MACROD2: variants seen among roughly 807,000 people sequenced by gnomAD.
The protein encoded by MACROD2 is mono-ADP ribosylhydrolase 2, also known as ADP-ribose glycohydrolase MACROD2.
Under a neutral mutation model 70.4 loss-of-function variants are expected in MACROD2, and 36 were observed. The ratio of observed to expected loss-of-function variants is 0.51; its 90% CI spans 0.39 to 0.68. The LOEUF (loss-of-function observed/expected upper bound fraction) is 0.68, where lower values mean the gene tolerates loss of function less well. Ranked by LOEUF, MACROD2 falls within the 30% of genes least tolerant of loss-of-function variation. MACROD2 has a pLI of 0.00. For synonymous variants in MACROD2, 172 were observed against 178.8 expected (o/e 0.96, Z 0.30); for missense variants, 496 against 538.4 (o/e 0.92, Z 0.78).
chr20:15,892,597 G>A (rs1230700038), intron 10 of MACROD2, among the ~76,000 whole-genome samples: 3 of 152,160 alleles, frequency 2.0e-5, no homozygotes, highest in Admixed American at 1.3e-4. Context: ...GATTGAAATC[G>A]AACACTCTTG....
At chr20:14,405,415 G>A (rs1209076753) in intron 3 of MACROD2, among the ~76,000 whole-genome samples, 2 of 152,166 alleles carry the variant, frequency 1.3e-5, no homozygotes, top group Non-Finnish European at 2.9e-5. Flanking sequence ...CAAAATATGT[G>A]TGTTGGTTAG....
At chr20:15,746,750 A>G (rs2051190175) in intron 8 of MACROD2, among the ~76,000 whole-genome samples, 1 of 152,010 alleles carries the variant, frequency 6.6e-6, no homozygotes, top group Non-Finnish European at 1.5e-5. Flanking sequence ...TTCTGGATCT[A>G]TTGAGGTTGT....
At chr20:15,089,266 T>C (rs1385256147) in intron 5 of MACROD2, among the ~76,000 whole-genome samples, 1 of 152,178 alleles carries the variant, frequency 6.6e-6, no homozygotes, top group Non-Finnish European at 1.5e-5. Context: ...ATAGCTCCTA[T>C]AAACCTTAAC....
intron 13 of MACROD2, among the ~76,000 whole-genome samples, chr20:15,973,044 C>T (rs2066254284): frequency 6.6e-6 from 1 of 152,042 alleles, no homozygotes; most frequent in Admixed American, 6.6e-5. Flanking sequence ...GTACTGATCA[C>T]TGTGACAGTC....
At chr20:15,857,263 G>T (rs2064367415) in intron 8 of MACROD2, among the ~76,000 whole-genome samples, 1 of 152,198 alleles carries the variant, frequency 6.6e-6, no homozygotes, top group Admixed American at 6.5e-5. Context: ...TCTGGACAGG[G>T]CCAGAAGTAT....
At chr20:15,652,491 G>A (rs2049660035) in intron 8 of MACROD2, among the ~76,000 whole-genome samples, 1 of 152,296 alleles carries the variant, frequency 6.6e-6, no homozygotes, top group African/African-American at 2.4e-5. Context: ...AGAGAATAAA[G>A]AAAGTGTTCT....
chr20:14,582,988 C>A (rs1884704), intron 4 of MACROD2, among the ~76,000 whole-genome samples: 97,458 of 151,770 alleles, frequency 0.64, 32,852 homozygotes, highest in East Asian at 0.93. Context: ...TGGCTGAGTG[C>A]ATGTGGTTGA....
chr20:14,078,878 TTGTA>T lies in MACROD2; in HGVS notation c.164-6740_164-6737del, dbSNP rs746115357. ...ATGCTTAAGCTTTTCTAGGTTATAT[TTGTA>T]TGGGTAAATATTAATAATAAAACAT... On this transcript the variant is annotated intron_variant, in intron 2 of 17. Coordinates refer to ENST00000684519, the MANE Select transcript of MACROD2 (RefSeq NM_001351661.2). Among the ~76,000 whole-genome samples, 39 of 152,334 alleles carry T rather than the reference TTGTA, an allele frequency of 2.6e-4. No homozygotes were observed. In the South Asian group the frequency reaches 3.3e-3, roughly 13 times the overall value.
chr20:14,687,272 A>C (rs2071013683), intron 5 of MACROD2, among the ~76,000 whole-genome samples: 1 of 152,182 alleles, frequency 6.6e-6, no homozygotes, highest in African/African-American at 2.4e-5. Context: ...TCCAAATCTG[A>C]ACTTTCTAAA....
At chr20:15,748,552 CTTA>C (rs2051220256) in intron 8 of MACROD2, among the ~76,000 whole-genome samples, 1 of 152,142 alleles carries the variant, frequency 6.6e-6, no homozygotes, top group East Asian at 1.9e-4. Flanking sequence ...GGAAGTGTTT[CTTA>C]TAAGACTCCC....
At chr20:15,233,983 T>TTATTTATA (rs1491448574) in intron 6 of MACROD2, among the ~76,000 whole-genome samples, 6 of 44,002 alleles carry the variant, frequency 1.4e-4, no homozygotes, top group South Asian at 9.4e-4. Flanking sequence ...ATATATTTAT[T>TTATTTATA]TATATATATA....
At chr20:14,828,132 A>G (rs1225252879) in intron 5 of MACROD2, among the ~76,000 whole-genome samples, 1 of 151,962 alleles carries the variant, frequency 6.6e-6, no homozygotes, top group Non-Finnish European at 1.5e-5. Flanking sequence ...TTTTATATTC[A>G]TTTTCTTCTG....
chr20:14,152,106 C>T (rs2055032712), intron 3 of MACROD2, among the ~76,000 whole-genome samples: 1 of 152,164 alleles, frequency 6.6e-6, no homozygotes, highest in African/African-American at 2.4e-5. Flanking sequence ...CAGGCGTGAG[C>T]CACCACGCCC....
At chr20:15,235,339 T>G (rs1394657145) in intron 6 of MACROD2, among the ~76,000 whole-genome samples, 1 of 152,216 alleles carries the variant, frequency 6.6e-6, no homozygotes, top group African/African-American at 2.4e-5. Context: ...TACCTGTGAT[T>G]TCCACAAGCA....
intron 7 of MACROD2, among the ~76,000 whole-genome samples, chr20:15,456,192 C>G (rs539400134): frequency 5.3e-5 from 8 of 152,248 alleles, no homozygotes; most frequent in African/African-American, 1.9e-4. Flanking sequence ...TTTGAACTAC[C>G]TGATCCAACT....
intron 6 of MACROD2, among the ~76,000 whole-genome samples, chr20:15,420,652 GA>G (rs922595426): frequency 5.1e-4 from 77 of 151,936 alleles, no homozygotes; most frequent in African/African-American, 1.7e-3. Context: ...ATTTTATATT[GA>G]AAAAAACTTT....
At chr20:14,678,658 C>T (rs896639997) in intron 4 of MACROD2, among the ~76,000 whole-genome samples, 19 of 152,080 alleles carry the variant, frequency 1.2e-4, no homozygotes, top group African/African-American at 4.3e-4. Flanking sequence ...CCATCTGCCT[C>T]CCCAGGGTAG....
At chr20:15,781,785 G>A (rs6034288) in intron 8 of MACROD2, among the ~76,000 whole-genome samples, 44,040 of 151,880 alleles carry the variant, frequency 0.29, 6,870 homozygotes, top group East Asian at 0.53. Context: ...TTTCTAGAGG[G>A]GATGATACCC....
chr20:14,804,679 C>T lies in MACROD2; in HGVS notation c.418+119720C>T, dbSNP rs138976608. ...GATAGTGCTTCTCCCTTCTACCTGCCGTTCAGATGCTCTGAACTGATGACC... is the reference window on the plus strand; with the variant it reads ...GATAGTGCTTCTCCCTTCTACCTGCTGTTCAGATGCTCTGAACTGATGACC... On this transcript the variant is annotated intron_variant, in intron 5 of 17. Coordinates refer to ENST00000684519, the MANE Select transcript of MACROD2 (RefSeq NM_001351661.2). Among the ~76,000 whole-genome samples, 120 of 152,058 alleles carry T rather than the reference C, an allele frequency of 7.9e-4. 1 individual carries two copies. The highest frequency in any genetic ancestry group is 2.7e-3 in the African/African-American group (113 of 41,454).
Sources: gnomAD v4.1 joint callset for allele counts (sites outside exome capture counted in the v4.1 genomes callset) on GRCh38, gnomAD v4.1.1 for gene constraint, MANE v1.5 for transcripts, NCBI Gene and HGNC (gene_info 2026-07-23, HGNC 2026-07-21) for gene names.